The following TULP4 variants were observed in gnomAD, a reference collection of about 807,000 sequenced individuals.
TULP4 encodes the protein tubby-related protein 4.
A neutral mutation model predicts 129.0 loss-of-function variants in TULP4; 16 were observed. The observed-to-expected ratio is 0.12, with a 90% confidence interval of 0.08 to 0.19. The LOEUF (loss-of-function observed/expected upper bound fraction) is 0.19. TULP4 is among the 10% of genes least tolerant of loss of function. The pLI is 1.00. For synonymous variants in TULP4, 998 were observed against 854.0 expected, an observed-to-expected ratio of 1.17 and a Z score of -2.94; for missense variants, 1,842 against 2,059.1, an observed-to-expected ratio of 0.89 and a Z score of 2.04.
chr6:158,267,733 G>T (rs1167450024), intron 1 of TULP4, among the ~76,000 whole-genome samples: 1 of 152,194 alleles, frequency 6.6e-6, no homozygotes, highest in Non-Finnish European at 1.5e-5. Context: ...TGTGGATGTG[G>T]TGCAAGAAGG....
chr6:158,237,399 C>A, intron 1 of TULP4: 1 of 1,610,540 alleles, frequency 6.2e-7, no homozygotes, highest in Non-Finnish European at 8.5e-7. Context: ...TTGCTGGAGC[C>A]CCTGCAGGTC....
At chr6:158,440,317 C>CAA (rs34200003) in intron 3 of TULP4, among the ~76,000 whole-genome samples, 1,225 of 85,728 alleles carry the variant, frequency 0.014, 26 homozygotes, top group Non-Finnish European at 0.017. Flanking sequence ...GTCCCTGTCT[C>CAA]AAAAAAAAAA....
intron 9 of TULP4, among the ~76,000 whole-genome samples, chr6:158,492,378 A>G (rs1267804599): frequency 6.6e-6 from 1 of 152,194 alleles, no homozygotes; most frequent in Admixed American, 6.5e-5. Flanking sequence ...TATGAATTAG[A>G]GGTAAATGCT....
chr6:158,430,378 T>C (rs945952410), intron 3 of TULP4, among the ~76,000 whole-genome samples: 13 of 152,330 alleles, frequency 8.5e-5, no homozygotes, highest in African/African-American at 2.9e-4. Context: ...AATTTCAAAA[T>C]GTTCTTTAAT....
chr6:158,257,913 C>T (rs1020495143), intron 1 of TULP4, among the ~76,000 whole-genome samples: 4 of 152,154 alleles, frequency 2.6e-5, no homozygotes, highest in African/African-American at 4.8e-5. Flanking sequence ...TGCTGTGGAG[C>T]GCTGCAGTGG....
At chr6:158,317,698 G>C (rs962728851) in intron 1 of TULP4, among the ~76,000 whole-genome samples, 3 of 152,156 alleles carry the variant, frequency 2.0e-5, no homozygotes, top group African/African-American at 7.2e-5. Flanking sequence ...GGATCAAATG[G>C]TATTTCTAGT....
At chr6:158,237,843 G>T in intron 1 of TULP4, 1 of 755,578 alleles carries the variant, frequency 1.3e-6, no homozygotes, top group Middle Eastern at 2.9e-4. Context: ...TAAGAGCTGT[G>T]CCTTTCTCTG....
At chr6:158,460,305 A>G (rs1779396092) in intron 5 of TULP4, among the ~76,000 whole-genome samples, 1 of 152,206 alleles carries the variant, frequency 6.6e-6, no homozygotes, top group Non-Finnish European at 1.5e-5. Flanking sequence ...GGGACCACTG[A>G]ATTCTAGCCC....
chr6:158,420,095 A>T (rs1489934597), intron 2 of TULP4, among the ~76,000 whole-genome samples: 1 of 152,254 alleles, frequency 6.6e-6, no homozygotes, highest in African/African-American at 2.4e-5. Flanking sequence ...TTTTGTGGAC[A>T]AGGAGCCAAA....
chr6:158,494,933 A>G (rs1780298139), intron 11 of TULP4, 87 bp downstream of exon 11: 4 of 1,098,312 alleles, frequency 3.6e-6, no homozygotes, highest in Non-Finnish European at 2.7e-6. Flanking sequence ...AAACTAGGAG[A>G]TGAACTTTTA....
At chr6:158,333,027 CT>C (rs1042791404) in intron 1 of TULP4, among the ~76,000 whole-genome samples, 31 of 152,142 alleles carry the variant, frequency 2.0e-4, no homozygotes, top group African/African-American at 6.3e-4. Context: ...CAGACCACCC[CT>C]ATACCTTCCC....
chr6:158,401,791 G>T (rs1777856591), intron 1 of TULP4, among the ~76,000 whole-genome samples: 1 of 151,988 alleles, frequency 6.6e-6, no homozygotes, highest in Non-Finnish European at 1.5e-5. Context: ...CTAGTAGATG[G>T]ATACAACACC....
At chr6:158,248,480 A>G (rs531072433) in intron 1 of TULP4, among the ~76,000 whole-genome samples, 12 of 152,202 alleles carry the variant, frequency 7.9e-5, no homozygotes, top group Non-Finnish European at 1.5e-4. Flanking sequence ...TGTGTTAGCC[A>G]GGATGATCTC....
At chr6:158,319,049 G>A (rs67316639) in intron 1 of TULP4, among the ~76,000 whole-genome samples, 22,968 of 151,912 alleles carry the variant, frequency 0.15, 2,450 homozygotes, top group East Asian at 0.43. Context: ...CCCAGCTCAC[G>A]ATTGTTAAAT....
intron 1 of TULP4, among the ~76,000 whole-genome samples, chr6:158,338,488 C>CA (rs375703699): frequency 2.8e-3 from 429 of 152,300 alleles, no homozygotes; most frequent in African/African-American, 9.7e-3. Context: ...CTGCACCTGC[C>CA]AGCTCATTCT....
intron 1 of TULP4, among the ~76,000 whole-genome samples, chr6:158,390,249 A>C (rs910391064): frequency 6.6e-6 from 1 of 152,162 alleles, no homozygotes; most frequent in Non-Finnish European, 1.5e-5. Flanking sequence ...AAACACAATT[A>C]TGTACATAAA....
chr6:158,406,952 C>T (rs543419770), intron 1 of TULP4, among the ~76,000 whole-genome samples: 2 of 152,338 alleles, frequency 1.3e-5, no homozygotes, highest in South Asian at 4.1e-4. Flanking sequence ...ACGGCGGTCC[C>T]CAGATTCCAG....
chr6:158,388,758 C>A (rs1777516835), intron 1 of TULP4, among the ~76,000 whole-genome samples: 1 of 151,620 alleles, frequency 6.6e-6, no homozygotes, highest in African/African-American at 2.4e-5. Context: ...AAAAATATAA[C>A]TTTTTGAAGA....
intron 5 of TULP4, among the ~76,000 whole-genome samples, chr6:158,455,055 ATTTTTTTTTTTTTTTT>A (rs781328845): frequency 3.0e-5 from 1 of 33,212 alleles, no homozygotes; most frequent in Admixed American, 3.5e-4. Context: ...CAAATTTAAC[ATTTTTTTTTTTTTTTT>A]TTTTTTTTTT....
Sources: allele counts gnomAD v4.1 joint callset (sites outside exome capture counted in the v4.1 genomes callset), GRCh38; gene constraint gnomAD v4.1.1; transcripts MANE v1.5; gene names NCBI Gene and HGNC (gene_info 2026-07-23, HGNC 2026-07-21).